RTN3: variants seen among roughly 807,000 people sequenced by gnomAD.
The protein encoded by RTN3 is reticulon 3.
In RTN3, 49 loss-of-function variants were observed where a neutral mutation model predicts 77.8. The ratio of observed to expected loss-of-function variants is 0.63; its 90% CI spans 0.50 to 0.80. The LOEUF (loss-of-function observed/expected upper bound fraction) is 0.80. Among genes scored for constraint, RTN3 ranks in the 30% least tolerant of loss-of-function variants. The pLI is 0.00. For synonymous variants in RTN3, 464 were observed against 446.9 expected (o/e 1.04, Z -0.48); for missense variants, 1,236 against 1,211.9 (o/e 1.02, Z -0.29).
At chr11:63,711,812 C>A (rs368689158) in intron 2 of RTN3, among the ~76,000 whole-genome samples, 4 of 152,194 alleles carry the variant, frequency 2.6e-5, no homozygotes, top group African/African-American at 9.7e-5. Context: ...GATCCACCTG[C>A]CTCAGCATCC....
rs2014578919 is a variant in RTN3, at chr11:63,759,837, C to T, written c.*1636C>T. The T allele has an allele frequency of 2.0e-5, 3 of 150,922 alleles. No individual in the cohort carries two copies. In the South Asian group the frequency reaches 6.3e-4, roughly 32 times the overall value. The allele number at this position is 150,922 out of a possible 1,614,324, so 9.3% of individuals were successfully genotyped here. ...CACCTAAGGAGCTTGAATCTTGGTT[C>T]CTGTAAAATTTCAAATTGATGTGGT... On this transcript the variant is annotated 3_prime_UTR_variant, in exon 9 of 9. Coordinates refer to ENST00000377819, the MANE Select transcript of RTN3 (RefSeq NM_001265589.2).
rs11606528 is a variant in RTN3 at position 63,733,306 on chromosome 11, G to A, written c.2530+12274G>A. Among the ~76,000 whole-genome samples the A allele has an allele frequency of 8.4e-3, 1,271 of 152,162 alleles. 9 individuals carry two copies. Among genetic ancestry groups the A allele is most frequent in the Middle Eastern group, 0.014 (4 of 292 alleles). On this transcript the variant is annotated intron_variant, in intron 3 of 8. Coordinates refer to ENST00000377819, the MANE Select transcript of RTN3 (RefSeq NM_001265589.2). ...AGATCGAGACCATCCTGGCTTACAC[G>A]GTGAAACCCCGTCTCTACTAAAAAC...
chr11:63,707,832 C>A (rs550984077), intron 2 of RTN3, among the ~76,000 whole-genome samples: 56 of 152,114 alleles, frequency 3.7e-4, no homozygotes, highest in African/African-American at 1.1e-3. Context: ...AGCAAAACTC[C>A]GTCTCAAAAA....
chr11:63,737,147 C>G (rs995825197), intron 3 of RTN3, among the ~76,000 whole-genome samples: 2 of 151,968 alleles, frequency 1.3e-5, no homozygotes, highest in African/African-American at 4.8e-5. Context: ...TCTTAGAATT[C>G]CGCCTGCCAC....
chr11:63,719,094 G>A lies in RTN3; in HGVS notation c.592G>A (p.Ala198Thr), dbSNP rs138573713. Residue 198 changes from alanine (A) to threonine (T), a missense_variant, in exon 3 of 9, where the codon GCA becomes ACA. Physicochemically the swap from Ala to Thr is moderately conservative, Grantham distance 58. This residue lies in a region of RTN3 where 1,056 missense variants were observed against 990.4 expected (regional missense o/e 1.07). Transcript: ENST00000377819. Reference sequence around the variant, plus strand: ...GGTATCAAGTAGGGAGGCTAAAACTGCATTGGATGCTGATGACAGATTCAC... The same window carrying A: ...GGTATCAAGTAGGGAGGCTAAAACTACATTGGATGCTGATGACAGATTCAC... ...NGVSSREAKT[A>T]LDADDRFTLL... is the part of the protein sequence containing the mutation. The A allele has an allele frequency of 4.6e-5, 74 of 1,614,186 alleles. No individual in the cohort carries two copies. The African/African-American group carries it at 8.4e-4, about 18-fold the overall frequency.
chr11:63,729,436 C>T (rs1208252512), intron 3 of RTN3, among the ~76,000 whole-genome samples: 24 of 32,062 alleles, frequency 7.5e-4, no homozygotes, highest in East Asian at 2.1e-3. Flanking sequence ...AAGGTTTCTG[C>T]TTTTTTTTTT....
At chr11:63,712,785 G>A (rs1248647469) in intron 2 of RTN3, among the ~76,000 whole-genome samples, 2 of 151,968 alleles carry the variant, frequency 1.3e-5, no homozygotes, top group African/African-American at 2.4e-5. Flanking sequence ...GTGCCTGGCC[G>A]ACTTCGAATT....
chr11:63,692,080 T>C, intron 1 of RTN3, among the ~76,000 whole-genome samples: 1 of 152,160 alleles, frequency 6.6e-6, no homozygotes, highest in East Asian at 1.9e-4. Context: ...TGGAGTGCAG[T>C]GGCGCGATCT....
At position 63,748,358 on chromosome 11, in the gene RTN3, T is replaced by G. The variant is rs1343813558; in HGVS notation, c.2531-1633T>G. On this transcript the variant is annotated intron_variant, in intron 3 of 8. Coordinates refer to ENST00000377819, the MANE Select transcript of RTN3 (RefSeq NM_001265589.2). Reference sequence around the variant, plus strand: ...ATTAATAGTGCCCCACTCACTTTTTTTTTTTTTTTTAAACAGTCTCATTCT... The same window carrying G: ...ATTAATAGTGCCCCACTCACTTTTTGTTTTTTTTTTAAACAGTCTCATTCT... Among the ~76,000 whole-genome samples, 3 of 151,268 alleles carry G rather than the reference T, an allele frequency of 2.0e-5. No individual in the cohort carries two copies. In the Admixed American group the frequency reaches 2.0e-4, roughly 10 times the overall value.
At position 63,696,092 on chromosome 11, in the gene RTN3, TAA is replaced by T. The variant is rs539527094; in HGVS notation, c.143-8744_143-8743del. On this transcript the variant is annotated intron_variant, in intron 1 of 8. Transcript: ENST00000377819. Reference sequence around the variant, plus strand: ...TATTAGACCTTTGTTAAGTTTCCTTTAAAAAAAAAAAAAAAACCTATTTTAAG... The same window carrying T: ...TATTAGACCTTTGTTAAGTTTCCTTTAAAAAAAAAAAAAACCTATTTTAAG... Among the ~76,000 whole-genome samples the T allele has an allele frequency of 6.1e-4, 85 of 139,328 alleles. No individual in the cohort carries two copies. In the Middle Eastern group the frequency reaches 0.018, roughly 29 times the overall value. The allele number at this position is 139,328 out of a possible 152,430, so 91.4% of individuals were successfully genotyped here.
At chr11:63,751,223 G>T (rs148432667) in intron 4 of RTN3, among the ~76,000 whole-genome samples, 1 of 152,170 alleles carries the variant, frequency 6.6e-6, no homozygotes, top group Non-Finnish European at 1.5e-5. Context: ...AGCAGCGCTC[G>T]GTTAGATGGG....
chr11:63,720,071 A>G lies in RTN3; in HGVS notation c.1569A>G (p.Lys523=), dbSNP rs750015807. 1.2e-6 allele frequency: 2 copies of G among 1,614,014 alleles called. No homozygotes were observed. Among genetic ancestry groups the G allele is most frequent in the Non-Finnish European group, 1.7e-6 (2 of 1,179,998 alleles). The change falls in exon 3 of 9, where the codon AAA becomes AAG. Residue 523 remains lysine (K), a synonymous_variant. Coordinates refer to ENST00000377819, the MANE Select transcript of RTN3 (RefSeq NM_001265589.2). The stretch of plus-strand genomic sequence containing the variant: ...AAAATAACAAAATTCAGGCTGAAAA[A>G]CCTGTTTCCATTCCAAGTGCTGTTG... The part of the protein sequence containing the change: ...SFENNKIQAE[K]PVSIPSAVVK...
At chr11:63,753,590 A>G (rs1017446839) in intron 6 of RTN3, 72 bp from the exon 7 acceptor site, 68 of 1,364,064 alleles carry the variant, frequency 5.0e-5, no homozygotes, top group Non-Finnish European at 6.7e-5. Context: ...AAAAATGTAT[A>G]TGTTACTCTG....
At chr11:63,683,927 CTCTTT>C (rs1171121051) in intron 1 of RTN3, among the ~76,000 whole-genome samples, 5 of 116,408 alleles carry the variant, frequency 4.3e-5, no homozygotes, top group Admixed American at 1.7e-4. Flanking sequence ...TTATTTCTTT[CTCTTT>C]TCTTTTCTTT....
chr11:63,751,487 A>G (rs903404942), intron 4 of RTN3, among the ~76,000 whole-genome samples: 1 of 152,202 alleles, frequency 6.6e-6, no homozygotes, highest in African/African-American at 2.4e-5. Flanking sequence ...TTTTCTTCAC[A>G]CTTTCCTCTT....
At chr11:63,732,029 A>G (rs527648248) in intron 3 of RTN3, among the ~76,000 whole-genome samples, 13 of 152,198 alleles carry the variant, frequency 8.5e-5, no homozygotes, top group Non-Finnish European at 1.5e-4. Context: ...TTGAAAATCT[A>G]GAAAAAGAAG....
chr11:63,711,493 A>C (rs2011159894), intron 2 of RTN3, among the ~76,000 whole-genome samples: 1 of 151,358 alleles, frequency 6.6e-6, no homozygotes, highest in Admixed American at 6.6e-5. Flanking sequence ...AGGCTCAAGC[A>C]ATCCTCCCAC....
intron 3 of RTN3, among the ~76,000 whole-genome samples, chr11:63,744,498 A>G (rs1175240319): frequency 6.6e-6 from 1 of 152,106 alleles, no homozygotes; most frequent in Non-Finnish European, 1.5e-5. Flanking sequence ...AGCATGTTAC[A>G]CTATATTGGA....
intron 2 of RTN3, among the ~76,000 whole-genome samples, chr11:63,712,483 ATTT>A (rs34923509): frequency 1.8e-4 from 16 of 90,382 alleles, no homozygotes; most frequent in Non-Finnish European, 1.6e-4. Context: ...AAGGACTTTG[ATTT>A]TTTTTTTTTT....
Sources: gnomAD v4.1 joint callset for allele counts (sites outside exome capture counted in the v4.1 genomes callset) on GRCh38, gnomAD v4.1.1 for gene constraint, gnomAD v4.1.1 regional missense constraint, MANE v1.5 for transcripts, NCBI Gene and HGNC (gene_info 2026-07-23, HGNC 2026-07-21) for gene names.